VOPP1: variants seen among roughly 807,000 people sequenced by gnomAD.
VOPP1 encodes the protein VOPP1 WW domain binding protein.
VOPP1 carries 8 observed loss-of-function variants against 23.5 expected under a neutral mutation model. The observed-to-expected ratio is 0.34, with a 90% confidence interval of 0.20 to 0.61. The LOEUF (loss-of-function observed/expected upper bound fraction) is 0.61. VOPP1 is among the 20% of genes least tolerant of loss of function. VOPP1 has a pLI of 0.78. For synonymous variants in VOPP1, 83 were observed against 97.3 expected (o/e 0.85, Z 0.86); for missense variants, 174 against 238.1 (o/e 0.73, Z 1.77).
chr7:55,529,294 G>A (rs12112630), intron 1 of VOPP1, among the ~76,000 whole-genome samples: 2,792 of 150,776 alleles, frequency 0.019, 92 homozygotes, highest in African/African-American at 0.064. Context: ...GAACCTGGGA[G>A]GCGGAGGTTA....
chr7:55,438,994 A>G (rs1483759758), intron 4 of VOPP1, among the ~76,000 whole-genome samples: 1 of 152,140 alleles, frequency 6.6e-6, no homozygotes, highest in Non-Finnish European at 1.5e-5. Context: ...AGGCTGAGGC[A>G]TGCAGGTTGG....
intron 1 of VOPP1, among the ~76,000 whole-genome samples, chr7:55,534,778 G>A (rs1796687015): frequency 6.6e-6 from 1 of 152,198 alleles, no homozygotes; most frequent in African/African-American, 2.4e-5. Flanking sequence ...CATCCCTACA[G>A]CTGAGCGCTG....
Position 55,444,104 on chromosome 7 carries a change from A to G in VOPP1, n.418-7930T>C, listed in dbSNP as rs114154212. On this transcript the variant is annotated intron_variant and non_coding_transcript_variant, in intron 4 of 4. Transcript: ENST00000462326. Reference sequence around the variant, plus strand: ...TATTGCTGTGTGATAAATCACCCCAATAAGTGACAGCTGCCGTACCCGGCC... The same window carrying G: ...TATTGCTGTGTGATAAATCACCCCAGTAAGTGACAGCTGCCGTACCCGGCC... 3.4e-3 allele frequency among the ~76,000 whole-genome samples: 523 copies of G among 152,290 alleles called. 2 individuals carry two copies. Among genetic ancestry groups the G allele is most frequent in the African/African-American group, 0.011 (476 of 41,574 alleles).
At chr7:55,535,002 C>G (rs930440579) in intron 1 of VOPP1, among the ~76,000 whole-genome samples, 3 of 152,234 alleles carry the variant, frequency 2.0e-5, no homozygotes, top group Admixed American at 2.0e-4. Context: ...CAGGAAGACA[C>G]AGTTGAAGAG....
chr7:55,513,336 T>A (rs1186574438), intron 2 of VOPP1, among the ~76,000 whole-genome samples: 4 of 151,914 alleles, frequency 2.6e-5, no homozygotes, highest in African/African-American at 9.7e-5. Flanking sequence ...TCCTTAATTC[T>A]GTTTCATGGA....
intron 2 of VOPP1, among the ~76,000 whole-genome samples, chr7:55,501,688 AC>A (rs1236985591): frequency 1.3e-5 from 2 of 152,124 alleles, no homozygotes; most frequent in African/African-American, 4.8e-5. Context: ...CTCAAATTGG[AC>A]ACTCAGCTCA....
At chr7:55,479,058 GAC>G (rs757278136) in intron 4 of VOPP1, among the ~76,000 whole-genome samples, 62 of 152,164 alleles carry the variant, frequency 4.1e-4, no homozygotes, top group Non-Finnish European at 7.4e-4. Flanking sequence ...TATCGTAAGA[GAC>G]AATTCTTTCT....
intron 4 of VOPP1, among the ~76,000 whole-genome samples, chr7:55,440,996 C>T (rs763826637): frequency 1.3e-5 from 2 of 152,174 alleles, no homozygotes; most frequent in African/African-American, 2.4e-5. Flanking sequence ...GAAATTTTCT[C>T]GCATGGAATT....
At chr7:55,450,167 G>C (rs563841456) in intron 4 of VOPP1, among the ~76,000 whole-genome samples, 1 of 152,320 alleles carries the variant, frequency 6.6e-6, no homozygotes, top group South Asian at 2.1e-4. Flanking sequence ...GGGAGTTGGA[G>C]TCACCGACTT....
At chr7:55,534,872 G>A (rs899740710) in intron 1 of VOPP1, among the ~76,000 whole-genome samples, 1 of 152,242 alleles carries the variant, frequency 6.6e-6, no homozygotes, top group African/African-American at 2.4e-5. Flanking sequence ...AGTGCCTCCT[G>A]TCTTCCCACT....
At chr7:55,448,344 G>A (rs1480588958) in intron 4 of VOPP1, among the ~76,000 whole-genome samples, 2 of 152,072 alleles carry the variant, frequency 1.3e-5, no homozygotes, top group Non-Finnish European at 2.9e-5. Context: ...AATTATAAAA[G>A]CAAAGAAATT....
chr7:55,443,787 G>T (rs1791028014), intron 4 of VOPP1, among the ~76,000 whole-genome samples: 1 of 151,542 alleles, frequency 6.6e-6, no homozygotes, highest in East Asian at 2.0e-4. Context: ...TGAGATTATA[G>T]GCGCACATCA....
At chr7:55,463,133 G>A (rs1374408116) in intron 4 of VOPP1, among the ~76,000 whole-genome samples, 1 of 152,056 alleles carries the variant, frequency 6.6e-6, no homozygotes, top group East Asian at 1.9e-4. Flanking sequence ...TTATTTTGTG[G>A]CCAAACATAT....
At chr7:55,467,437 A>G (rs1175833471), downstream of VOPP1, among the ~76,000 whole-genome samples, 1 of 152,196 alleles carries the variant, frequency 6.6e-6, no homozygotes, top group Non-Finnish European at 1.5e-5. Flanking sequence ...GCCGGCCTCA[A>G]TGCGGAGCCT....
At chr7:55,455,240 C>A (rs1791337218) in intron 4 of VOPP1, among the ~76,000 whole-genome samples, 1 of 152,132 alleles carries the variant, frequency 6.6e-6, no homozygotes, top group African/African-American at 2.4e-5. Context: ...CCTAGGAATA[C>A]AACTTACAAG....
chr7:55,480,434 G>A (rs118169852), intron 4 of VOPP1, among the ~76,000 whole-genome samples: 1,790 of 152,056 alleles, frequency 0.012, 12 homozygotes, highest in Middle Eastern at 0.02. Flanking sequence ...TTTTATTTTT[G>A]TGTTCTTCTC....
intron 1 of VOPP1, among the ~76,000 whole-genome samples, chr7:55,530,298 T>C (rs1796427821): frequency 6.6e-6 from 1 of 152,176 alleles, no homozygotes; most frequent in Non-Finnish European, 1.5e-5. Context: ...ACTGTACTGG[T>C]ATCTCATCGT....
intron 1 of VOPP1, chr7:55,553,756 TACACAC>T (rs59300549): frequency 0.13 from 18,224 of 138,344 alleles, 1,312 homozygotes; most frequent in Middle Eastern, 0.21. Flanking sequence ...CCCTGCACTC[TACACAC>T]ACACACACAC....
At chr7:55,557,131 C>T (rs954209522) in intron 1 of VOPP1, among the ~76,000 whole-genome samples, 1 of 152,120 alleles carries the variant, frequency 6.6e-6, no homozygotes, top group South Asian at 2.1e-4. Flanking sequence ...TATTTAAATG[C>T]TCTTTAAATC....
Sources: allele counts gnomAD v4.1 joint callset (sites outside exome capture counted in the v4.1 genomes callset), GRCh38; gene constraint gnomAD v4.1.1; transcripts MANE v1.5; gene names NCBI Gene and HGNC (gene_info 2026-07-23, HGNC 2026-07-21).